Variants in XPNPEP3 observed in about 807,000 individuals in gnomAD.
XPNPEP3 encodes the protein X-prolyl aminopeptidase 3.
Under a neutral mutation model 60.0 loss-of-function variants are expected in XPNPEP3, and 41 were observed. That is an observed-to-expected ratio of 0.68 (90% CI 0.53 to 0.89). The LOEUF is 0.89. XPNPEP3 is among the 40% of genes least tolerant of loss of function. XPNPEP3 has a pLI of 0.00. For synonymous variants in XPNPEP3, 212 were observed against 223.2 expected (o/e 0.95, Z 0.45); for missense variants, 598 against 638.9 (o/e 0.94, Z 0.69).
chr22:40,862,748 A>G lies in XPNPEP3; in HGVS notation c.64+5503A>G, dbSNP rs1230657982. ...ACTGCTGTAAAACATGTAATTAAAGATTTGGAAAGTTGTGTGTTTATGTAT... is the reference window on the plus strand; with the variant it reads ...ACTGCTGTAAAACATGTAATTAAAGGTTTGGAAAGTTGTGTGTTTATGTAT... On this transcript the variant is annotated intron_variant, in intron 1 of 9. Coordinates refer to ENST00000357137, the MANE Select transcript of XPNPEP3 (RefSeq NM_022098.4). 4.1e-6 allele frequency: 4 copies of G among 985,270 alleles called. No homozygotes were observed. In the African/African-American group the frequency reaches 7.0e-5, roughly 17 times the overall value. 61.0% of individuals were successfully genotyped at this position (985,270 alleles called of 1,614,324 possible).
chr22:40,886,443 A>G lies in XPNPEP3; in HGVS notation c.720A>G (p.Ile240Met), dbSNP rs781278562. Reference protein sequence around the residue: ...KNKVRGVQQLIQRLRLIKSPA... With the variant: ...KNKVRGVQQLMQRLRLIKSPA... ...AGGTTCGGGGTGTTCAGCAGCTGAT[A>G]CAGCGCCTCCGGCTGATCAAGTCTC... Residue 240 changes from isoleucine to methionine, a missense_variant, in exon 4 of 10, where the codon ATA becomes ATG. Coordinates refer to ENST00000357137, the MANE Select transcript of XPNPEP3 (RefSeq NM_022098.4). 4 of 1,614,202 alleles carry G rather than the reference A, an allele frequency of 2.5e-6. No homozygotes were observed. The South Asian group carries it at 4.4e-5, about 18-fold the overall frequency.
rs1362808664 is a variant in XPNPEP3 at position 40,881,852 on chromosome 22, A to G, written c.264A>G (p.Gln88=). The G allele has an allele frequency of 1.2e-6, 2 of 1,614,218 alleles. No individual in the cohort carries two copies. The highest frequency in any genetic ancestry group is 1.7e-5 in the Admixed American group (1 of 60,026). The change falls in exon 3 of 10, where the codon CAA becomes CAG. Residue 88 remains glutamine (Q), a synonymous_variant. Coordinates refer to ENST00000357137, the MANE Select transcript of XPNPEP3 (RefSeq NM_022098.4). Reference sequence around the variant, plus strand: ...TGTCTCTGATCCAGAAGGAAGCTCAAGGGCAGAGTGGGACAGACCAGACAG... The same window carrying G: ...TGTCTCTGATCCAGAAGGAAGCTCAGGGGCAGAGTGGGACAGACCAGACAG... ...KLMSLIQKEA[Q]GQSGTDQTVV...
chr22:40,901,378 G>A (rs1285932291), intron 4 of XPNPEP3, among the ~76,000 whole-genome samples: 1 of 151,890 alleles, frequency 6.6e-6, no homozygotes, highest in Non-Finnish European at 1.5e-5. Context: ...GGGAATACAG[G>A]CATGCACCAC....
intron 2 of XPNPEP3, among the ~76,000 whole-genome samples, chr22:40,873,098 C>CTTTTTTTTTTTTTTTT (rs138353): frequency 9.0e-5 from 8 of 88,504 alleles, no homozygotes; most frequent in African/African-American, 2.2e-4. Context: ...TTTTCTTTTT[C>CTTTTTTTTTTTTTTTT]TTTTTTTTTT....
At chr22:40,910,470 C>A (rs1249063650) in intron 6 of XPNPEP3, among the ~76,000 whole-genome samples, 1 of 151,708 alleles carries the variant, frequency 6.6e-6, no homozygotes, top group Admixed American at 6.6e-5. Flanking sequence ...TTGGGGAGGT[C>A]AAGGTGGGCA....
intron 4 of XPNPEP3, among the ~76,000 whole-genome samples, chr22:40,895,459 C>G (rs1168453004): frequency 6.6e-6 from 1 of 151,744 alleles, no homozygotes; most frequent in East Asian, 2.0e-4. Flanking sequence ...CTCAGCCTCC[C>G]AAGTAGCTGG....
rs755037704 is a variant in XPNPEP3 at position 40,924,370 on chromosome 22, A to G, written c.1245A>G (p.Arg415=). The G allele has an allele frequency of 1.9e-6, 3 of 1,614,156 alleles. No individual in the cohort carries two copies. The Admixed American group carries it at 5.0e-5, about 27-fold the overall frequency. The change falls in exon 9 of 10, where the codon CGA becomes CGG. Residue 415 remains arginine, a synonymous_variant. Transcript: ENST00000357137. ...ACAATTATCTTTTCCAGGCTGCTCGAAAATACTGTCCTCATCATGTTGGCC... is the reference window on the plus strand; with the variant it reads ...ACAATTATCTTTTCCAGGCTGCTCGGAAATACTGTCCTCATCATGTTGGCC... ...IKENNAFKAA[R]KYCPHHVGHY...
Position 40,857,332 on chromosome 22 carries a change from C to T in XPNPEP3, c.64+87C>T, listed in dbSNP as rs2145758733. On this transcript the variant is annotated intron_variant, in intron 1 of 9. Transcript: ENST00000357137. ...CAGGCGATCCCTGGTTCGGCTGACC[C>T]TTCTCCTGGTGGGGCCTCCGCTCCC... 3 of 1,474,256 alleles carry T rather than the reference C, an allele frequency of 2.0e-6. No individual in the cohort carries two copies. In the East Asian group the frequency reaches 7.2e-5, roughly 35 times the overall value. 91.3% of individuals were successfully genotyped at this position (1,474,256 alleles called of 1,614,324 possible). A position where few individuals can be genotyped will look rare whatever the true frequency, so the allele number is the denominator to read the frequency against.
In XPNPEP3 at chr22:40,894,557, A is replaced by G. The variant is rs188385475; in HGVS notation, c.792+8042A>G. On this transcript the variant is annotated intron_variant, in intron 4 of 9. Coordinates refer to ENST00000357137, the MANE Select transcript of XPNPEP3 (RefSeq NM_022098.4). ...GTCTAATCATAGGGAGATAAATTGGATAAATACAGAAAATGACACTATACT... is the reference window on the plus strand; with the variant it reads ...GTCTAATCATAGGGAGATAAATTGGGTAAATACAGAAAATGACACTATACT... Among the ~76,000 whole-genome samples the G allele has an allele frequency of 7.6e-3, 1,155 of 152,292 alleles. 5 individuals are homozygous for G. The highest frequency in any genetic ancestry group is 0.013 in the Non-Finnish European group (855 of 68,024).
At position 40,886,306 on chromosome 22, in the gene XPNPEP3, T is replaced by G; in HGVS notation, c.590-7T>G. The G allele has an allele frequency of 1.2e-6, 2 of 1,613,926 alleles. No homozygotes were observed. Among genetic ancestry groups the G allele is most frequent in the Non-Finnish European group, 1.7e-6 (2 of 1,179,974 alleles). Reference sequence around the variant, plus strand: ...TTTAAATTTATTTTTCGGCTTCTCATTCTAAGCTGAGACGAACATGGTTTG... The same window carrying G: ...TTTAAATTTATTTTTCGGCTTCTCAGTCTAAGCTGAGACGAACATGGTTTG... On this transcript the variant is annotated splice_region_variant and splice_polypyrimidine_tract_variant and intron_variant, in intron 3 of 9. Coordinates refer to ENST00000357137, the MANE Select transcript of XPNPEP3 (RefSeq NM_022098.4).
chr22:40,907,246 C>G (rs1182574591), intron 4 of XPNPEP3: 2 of 440,540 alleles, frequency 4.5e-6, no homozygotes, highest in Non-Finnish European at 9.0e-6. Context: ...ACAGTGAAAC[C>G]CCGACTCTAC....
intron 7 of XPNPEP3, 114 bp from the exon 8 acceptor site, chr22:40,922,219 C>T: frequency 2.4e-6 from 3 of 1,271,084 alleles, no homozygotes; most frequent in Non-Finnish European, 2.2e-6. Context: ...TATTAAACAT[C>T]AACAGTGCCC....
At chr22:40,875,036 A>G (rs972514445) in intron 2 of XPNPEP3, among the ~76,000 whole-genome samples, 1 of 152,190 alleles carries the variant, frequency 6.6e-6, no homozygotes, top group East Asian at 1.9e-4. Context: ...TAGTAGACTA[A>G]AAGTTTTGTA....
chr22:40,888,862 C>T (rs944167967), intron 4 of XPNPEP3, among the ~76,000 whole-genome samples: 2 of 152,110 alleles, frequency 1.3e-5, no homozygotes, highest in African/African-American at 4.8e-5. Context: ...TCAATTTCTC[C>T]ACTCTACACC....
intron 3 of XPNPEP3, among the ~76,000 whole-genome samples, chr22:40,884,289 C>T (rs999879747): frequency 6.7e-6 from 1 of 150,162 alleles, no homozygotes; most frequent in African/African-American, 2.4e-5. Context: ...TAGTTACAAT[C>T]TCATGTAAAA....
rs1394962851 is a variant in XPNPEP3, at chr22:40,907,571, T to G, written c.793-16T>G. 2 of 1,612,314 alleles carry G rather than the reference T, an allele frequency of 1.2e-6. No individual in the cohort carries two copies. Among genetic ancestry groups the G allele is most frequent in the Non-Finnish European group, 1.7e-6 (2 of 1,178,462 alleles). On this transcript the variant is annotated splice_polypyrimidine_tract_variant and intron_variant, in intron 4 of 9. Coordinates refer to ENST00000357137, the MANE Select transcript of XPNPEP3 (RefSeq NM_022098.4). ...GAATGAGATCGTGTTCTTTTCATCC[T>G]CCTTTCTCTTTGCAGGCTTTCATAG...
At chr22:40,871,420 A>G (rs747402132) in intron 2 of XPNPEP3, among the ~76,000 whole-genome samples, 1 of 152,320 alleles carries the variant, frequency 6.6e-6, no homozygotes, top group Non-Finnish European at 1.5e-5. Flanking sequence ...TGTAATGTGC[A>G]CTTGGTTTCT....
chr22:40,912,738 C>T (rs1037512591), intron 6 of XPNPEP3, among the ~76,000 whole-genome samples: 52 of 152,002 alleles, frequency 3.4e-4, no homozygotes, highest in Non-Finnish European at 1.2e-4. Context: ...GGCGTTGTAG[C>T]GTGCGCCTGT....
chr22:40,907,438 A>T lies in XPNPEP3; in HGVS notation c.793-149A>T, dbSNP rs936760892. 4 of 759,932 alleles carry T rather than the reference A, an allele frequency of 5.3e-6. No individual in the cohort carries two copies. In the African/African-American group the frequency reaches 5.3e-5, roughly 10 times the overall value. The allele number at this position is 759,932 out of a possible 1,614,324, so 47.1% of individuals were successfully genotyped here. A position where few individuals can be genotyped will look rare whatever the true frequency, so the allele number is the denominator to read the frequency against. On this transcript the variant is annotated intron_variant, in intron 4 of 9. Transcript: ENST00000357137. ...TCCGTCTCAAAAAAAAAACAAAAAAAACTGTATTATTACCCCCAGTAGGTC... is the reference window on the plus strand; with the variant it reads ...TCCGTCTCAAAAAAAAAACAAAAAATACTGTATTATTACCCCCAGTAGGTC...
Sources: gnomAD v4.1 joint callset for allele counts (sites outside exome capture counted in the v4.1 genomes callset) on GRCh38, gnomAD v4.1.1 for gene constraint, MANE v1.5 for transcripts, NCBI Gene and HGNC (gene_info 2026-07-23, HGNC 2026-07-21) for gene names.